The following RALGPS2 variants were observed in gnomAD, a reference collection of about 807,000 sequenced individuals.
RALGPS2 encodes the protein Ral GEF with PH domain and SH3 binding motif 2.
A neutral mutation model predicts 86.8 loss-of-function variants in RALGPS2; 43 were observed. That is an observed-to-expected ratio of 0.50 (90% CI 0.39 to 0.64). The LOEUF is 0.64. RALGPS2 is among the 30% of genes least tolerant of loss of function. RALGPS2 has a pLI of 0.00. For missense variants in RALGPS2, 536 were observed against 694.6 expected (o/e 0.77, Z 2.57); for synonymous variants, 243 against 231.3 (o/e 1.05, Z -0.46).
intron 10 of RALGPS2, among the ~76,000 whole-genome samples, chr1:178,881,860 G>A (rs1416962197): frequency 6.6e-6 from 1 of 152,064 alleles, no homozygotes; most frequent in Non-Finnish European, 1.5e-5. Flanking sequence ...AAAATTAGAA[G>A]AAAACATTTT....
chr1:178,876,734 C>T (rs1659020617), intron 8 of RALGPS2, among the ~76,000 whole-genome samples: 1 of 152,110 alleles, frequency 6.6e-6, no homozygotes, highest in Non-Finnish European at 1.5e-5. Flanking sequence ...TTCACATGTG[C>T]ATTGTGAACT....
At chr1:178,794,262 G>A (rs372292068) in intron 4 of RALGPS2, among the ~76,000 whole-genome samples, 6 of 152,114 alleles carry the variant, frequency 3.9e-5, no homozygotes, top group South Asian at 4.2e-4. Context: ...GACTACAGGC[G>A]CATGCCACCA....
At chr1:178,851,276 A>G (rs148863716) in intron 8 of RALGPS2, 57 of 1,613,372 alleles carry the variant, frequency 3.5e-5, no homozygotes, top group Admixed American at 3.3e-4. Flanking sequence ...GTGCACAGGC[A>G]TTGTACCACC....
intron 16 of RALGPS2, among the ~76,000 whole-genome samples, chr1:178,896,961 C>T (rs945846738): frequency 2.6e-5 from 4 of 151,348 alleles, no homozygotes; most frequent in Non-Finnish European, 5.9e-5. Context: ...ATTTATAGTC[C>T]TTTGTGTATA....
intron 1 of RALGPS2, among the ~76,000 whole-genome samples, chr1:178,768,953 A>C (rs982615136): frequency 1.3e-5 from 2 of 152,168 alleles, no homozygotes; most frequent in African/African-American, 4.8e-5. Flanking sequence ...CCCATGCACC[A>C]GGATCTCTGC....
intron 1 of RALGPS2, among the ~76,000 whole-genome samples, chr1:178,767,247 A>G (rs185833703): frequency 3.9e-5 from 6 of 152,032 alleles, no homozygotes; most frequent in Non-Finnish European, 8.8e-5. Context: ...TGGGGAACCA[A>G]TGTAGTTGGA....
intron 8 of RALGPS2, among the ~76,000 whole-genome samples, chr1:178,872,484 C>CTT (rs1357353639): frequency 1.5e-4 from 23 of 152,200 alleles, no homozygotes; most frequent in African/African-American, 5.5e-4. Flanking sequence ...CTCAGCTGTG[C>CTT]TTGTGGCCAT....
Position 178,769,713 on chromosome 1 carries a change from C to T in RALGPS2, c.-83-6969C>T, listed in dbSNP as rs150107571. Among the ~76,000 whole-genome samples, 186 of 152,226 alleles carry T rather than the reference C, an allele frequency of 1.2e-3. 3 individuals are homozygous for T. The Middle Eastern group carries it at 0.017, about 14-fold the overall frequency. ...GGCCCTGGCTGCACGTCTCATTGTC[C>T]GGGAGAAAGTGCAGCTGTAGCAGCT... On this transcript the variant is annotated intron_variant, in intron 1 of 19. Coordinates refer to ENST00000367635, the MANE Select transcript of RALGPS2 (RefSeq NM_152663.5).
chr1:178,851,220 C>T (rs760132857), intron 8 of RALGPS2: 2 of 1,614,004 alleles, frequency 1.2e-6, no homozygotes, highest in East Asian at 2.2e-5. Context: ...TTGGTGCTTG[C>T]TTCTGTAATG....
chr1:178,789,329 G>T (rs1653839657), intron 4 of RALGPS2, among the ~76,000 whole-genome samples: 1 of 152,222 alleles, frequency 6.6e-6, no homozygotes, highest in Admixed American at 6.5e-5. Flanking sequence ...AGATCAGGGT[G>T]GGAATGGAAG....
chr1:178,806,872 C>T lies in RALGPS2; in HGVS notation c.214-1173C>T, dbSNP rs181990374. Among the ~76,000 whole-genome samples the T allele has an allele frequency of 1.3e-4, 20 of 152,172 alleles. No individual in the cohort carries two copies. In the South Asian group the frequency reaches 1.7e-3, roughly 13 times the overall value. On this transcript the variant is annotated intron_variant, in intron 4 of 19. Coordinates refer to ENST00000367635, the MANE Select transcript of RALGPS2 (RefSeq NM_152663.5). ...ATTACAGAAGTTTGTTAACCTGTTT[C>T]GGACCTTGGACTCGTCCGGCAGGCT...
intron 1 of RALGPS2, among the ~76,000 whole-genome samples, chr1:178,743,384 T>A (rs919490110): frequency 6.6e-6 from 1 of 152,190 alleles, no homozygotes; most frequent in Non-Finnish European, 1.5e-5. Context: ...GGAAAGGGTA[T>A]ACTAAAGATC....
chr1:178,808,526 GTTA>G (rs960514442), intron 5 of RALGPS2, among the ~76,000 whole-genome samples: 2 of 151,810 alleles, frequency 1.3e-5, no homozygotes, highest in Non-Finnish European at 2.9e-5. Context: ...TAGTTTCTGT[GTTA>G]TTATTGGAAC....
At chr1:178,890,185 T>G (rs555405485) in intron 14 of RALGPS2, among the ~76,000 whole-genome samples, 2 of 152,086 alleles carry the variant, frequency 1.3e-5, no homozygotes, top group South Asian at 2.1e-4. Context: ...ACTTTTATAC[T>G]GAAATACTCT....
At chr1:178,840,436 C>G (rs1228342825) in intron 8 of RALGPS2, among the ~76,000 whole-genome samples, 2 of 151,926 alleles carry the variant, frequency 1.3e-5, no homozygotes, top group African/African-American at 4.8e-5. Context: ...AGAAATAAAG[C>G]TGTTCTTTGA....
intron 6 of RALGPS2, among the ~76,000 whole-genome samples, chr1:178,816,812 G>A (rs546461880): frequency 1.3e-5 from 2 of 151,236 alleles, no homozygotes; most frequent in East Asian, 2.0e-4. Flanking sequence ...AGGTTCAAGC[G>A]ATTCTCCTGC....
intron 2 of RALGPS2, among the ~76,000 whole-genome samples, chr1:178,783,174 A>G (rs1036571079): frequency 1.3e-5 from 2 of 152,206 alleles, no homozygotes; most frequent in Admixed American, 6.6e-5. Context: ...AATTGAAAAG[A>G]AATGCTAGGA....
At chr1:178,821,784 A>C (rs1202503904) in intron 7 of RALGPS2, 80 bp downstream of exon 7, 5 of 1,060,120 alleles carry the variant, frequency 4.7e-6, no homozygotes, top group Non-Finnish European at 7.0e-6. Flanking sequence ...TGTAATTCTT[A>C]TTAAAGTTAA....
At chr1:178,899,884 A>T (rs189273938) in intron 17 of RALGPS2, among the ~76,000 whole-genome samples, 89 of 152,014 alleles carry the variant, frequency 5.9e-4, no homozygotes, top group African/African-American at 2.1e-3. Flanking sequence ...GAAAAAATTT[A>T]AAAAGCTATA....
Sources: allele counts gnomAD v4.1 joint callset (sites outside exome capture counted in the v4.1 genomes callset), GRCh38; gene constraint gnomAD v4.1.1; transcripts MANE v1.5; gene names NCBI Gene and HGNC (gene_info 2026-07-23, HGNC 2026-07-21).